CACNG2: variants seen among roughly 807,000 people sequenced by gnomAD.
CACNG2 encodes voltage-dependent calcium channel gamma-2 subunit.
A neutral mutation model predicts 25.9 loss-of-function variants in CACNG2; 3 were observed. That is an observed-to-expected ratio of 0.12 (90% CI 0.05 to 0.30). CACNG2 has a LOEUF of 0.30. CACNG2 is among the 10% of genes least tolerant of loss of function. The pLI, the probability that CACNG2 is intolerant of heterozygous loss-of-function variation, is 1.00. For missense variants in CACNG2, 341 were observed against 432.5 expected, an observed-to-expected ratio of 0.79 and a Z score of 1.88; for synonymous variants, 167 against 173.3, an observed-to-expected ratio of 0.96 and a Z score of 0.29.
chr22:36,640,078 T>C (rs1342349714), intron 1 of CACNG2, among the ~76,000 whole-genome samples: 8 of 152,066 alleles, frequency 5.3e-5, no homozygotes, highest in African/African-American at 1.9e-4. Flanking sequence ...AATGGTACCA[T>C]GTCCAAGAGT....
chr22:36,576,165 G>A (rs1203033791), intron 2 of CACNG2, among the ~76,000 whole-genome samples: 1 of 152,218 alleles, frequency 6.6e-6, no homozygotes, highest in Non-Finnish European at 1.5e-5. Flanking sequence ...GATAAAGACT[G>A]TGGTATAAAT....
chr22:36,566,167 C>T (rs753888495), intron 3 of CACNG2, among the ~76,000 whole-genome samples, 186 bp downstream of exon 3: 4 of 152,154 alleles, frequency 2.6e-5, no homozygotes, highest in African/African-American at 7.2e-5. Flanking sequence ...GGATTTGGTA[C>T]AGGCTCGGGA....
chr22:36,668,493 T>C (rs1316162220), intron 1 of CACNG2, among the ~76,000 whole-genome samples: 3 of 64,448 alleles, frequency 4.7e-5, no homozygotes, highest in Non-Finnish European at 1.3e-4. Flanking sequence ...GGGGAGTGAA[T>C]TTTTTTTTTT....
At chr22:36,569,632 G>A (rs576606332) in intron 2 of CACNG2, among the ~76,000 whole-genome samples, 30 of 152,076 alleles carry the variant, frequency 2.0e-4, no homozygotes, top group South Asian at 4.1e-4. Flanking sequence ...CTCCGTCTTC[G>A]GGGTTCAAGC....
intron 1 of CACNG2, among the ~76,000 whole-genome samples, chr22:36,660,361 C>T (rs906031515): frequency 7.2e-5 from 11 of 152,378 alleles, no homozygotes; most frequent in East Asian, 3.9e-4. Flanking sequence ...GCTGCTCACC[C>T]GGCTTCAGCC....
intron 1 of CACNG2, among the ~76,000 whole-genome samples, chr22:36,685,656 C>T (rs1034904562): frequency 6.6e-6 from 1 of 152,184 alleles, no homozygotes; most frequent in Non-Finnish European, 1.5e-5. Flanking sequence ...CAGATCTTTC[C>T]GGCCTGGTTC....
intron 1 of CACNG2, among the ~76,000 whole-genome samples, chr22:36,624,185 C>A (rs1457545202): frequency 6.6e-6 from 1 of 152,226 alleles, no homozygotes; most frequent in Non-Finnish European, 1.5e-5. Context: ...CATGCAGCAC[C>A]AGCAAATGCT....
intron 1 of CACNG2, among the ~76,000 whole-genome samples, chr22:36,623,105 C>G (rs1936133839): frequency 7.1e-6 from 1 of 141,154 alleles, no homozygotes; most frequent in Non-Finnish European, 1.5e-5. Context: ...ACTGCAACCT[C>G]TACCTCCTAG....
intron 1 of CACNG2, among the ~76,000 whole-genome samples, chr22:36,605,292 C>G (rs1935813984): frequency 6.6e-6 from 1 of 152,158 alleles, no homozygotes; most frequent in East Asian, 1.9e-4. Context: ...CCAGGCTGGT[C>G]ACGAACCCTT....
In CACNG2 at chr22:36,562,474, T is replaced by TGTGTGTGTGTGG. The variant is rs1347497346; in HGVS notation, c.*1865_*1876dup. The TGTGTGTGTGTGG allele has an allele frequency of 6.6e-6, 1 of 152,012 alleles. No homozygotes were observed. Among genetic ancestry groups the TGTGTGTGTGTGG allele is most frequent in the African/African-American group, 2.4e-5 (1 of 41,330 alleles). The allele number at this position is 152,012 out of a possible 1,614,324, so 9.4% of individuals were successfully genotyped here. A position where few individuals can be genotyped will look rare whatever the true frequency, so the allele number is the denominator to read the frequency against. On this transcript the variant is annotated 3_prime_UTR_variant, in exon 4 of 4. Transcript: ENST00000300105. ...CCTTCCCATGCATGCGAGTGGTGTG[T>TGTGTGTGTGTGG]GTGTGTGTGTGGGTATGTGTGCGTG...
At chr22:36,628,549 C>T (rs1206597217) in intron 1 of CACNG2, among the ~76,000 whole-genome samples, 3 of 152,138 alleles carry the variant, frequency 2.0e-5, no homozygotes, top group Non-Finnish European at 2.9e-5. Context: ...TGGTTTTATC[C>T]GTGGACATTT....
intron 1 of CACNG2, among the ~76,000 whole-genome samples, chr22:36,594,998 A>T (rs1195193756): frequency 6.9e-6 from 1 of 145,232 alleles, no homozygotes; most frequent in Non-Finnish European, 1.5e-5. Context: ...CTCACTGGGC[A>T]GGGTGAGATG....
intron 1 of CACNG2, among the ~76,000 whole-genome samples, chr22:36,662,291 C>A (rs1310392678): frequency 6.6e-6 from 1 of 152,102 alleles, no homozygotes; most frequent in Non-Finnish European, 1.5e-5. Flanking sequence ...TGACTCATTG[C>A]TATTCTAAGC....
At chr22:36,619,281 C>A (rs751184180) in intron 1 of CACNG2, among the ~76,000 whole-genome samples, 1 of 152,036 alleles carries the variant, frequency 6.6e-6, no homozygotes, top group Non-Finnish European at 1.5e-5. Flanking sequence ...CTGATGGCAC[C>A]GCAGGATGAC....
intron 1 of CACNG2, among the ~76,000 whole-genome samples, chr22:36,631,838 T>C (rs1936277731): frequency 6.6e-6 from 1 of 151,498 alleles, no homozygotes; most frequent in Admixed American, 6.6e-5. Context: ...GACAACCAGA[T>C]GGATCTTCCA....
chr22:36,670,942 C>T (rs1344903003), intron 1 of CACNG2, among the ~76,000 whole-genome samples: 46 of 143,822 alleles, frequency 3.2e-4, no homozygotes, highest in African/African-American at 1.1e-3. Flanking sequence ...TTTTTTGAGA[C>T]GGAGTCTTGC....
Position 36,623,011 on chromosome 22 carries a change from G to GATTTTTTTTTTTTTTTTTTTTT in CACNG2, c.212-35464_212-35463insAAAAAAAAAAAAAAAAAAAAAT, listed in dbSNP as rs1569032646. On this transcript the variant is annotated intron_variant, in intron 1 of 3. Transcript: ENST00000300105. ...TTTCTCATTCAGTCTTCAAAACATG[G>GATTTTTTTTTTTTTTTTTTTTT]GTTTTTTTTTTTTTTTTTTTTTTTT... 8.6e-5 allele frequency among the ~76,000 whole-genome samples: 8 copies of GATTTTTTTTTTTTTTTTTTTTT among 93,224 alleles called. 3 individuals carry two copies. Among genetic ancestry groups the GATTTTTTTTTTTTTTTTTTTTT allele is most frequent in the Non-Finnish European group, 1.0e-4 (5 of 49,902 alleles). 61.2% of individuals were successfully genotyped at this position (93,224 alleles called of 152,430 possible).
At chr22:36,625,420 G>A (rs566943043) in intron 1 of CACNG2, among the ~76,000 whole-genome samples, 2 of 152,216 alleles carry the variant, frequency 1.3e-5, no homozygotes, top group Non-Finnish European at 2.9e-5. Context: ...CTTGTTGGAG[G>A]GCAGGGTCCT....
At chr22:36,653,960 TTGTG>T (rs140752261) in intron 1 of CACNG2, among the ~76,000 whole-genome samples, 21 of 124,208 alleles carry the variant, frequency 1.7e-4, no homozygotes, top group East Asian at 1.6e-3. Flanking sequence ...TACAGTGTGT[TTGTG>T]TGTGTGTGTG....
Sources: allele counts gnomAD v4.1 joint callset (sites outside exome capture counted in the v4.1 genomes callset), GRCh38; gene constraint gnomAD v4.1.1; transcripts MANE v1.5; gene names NCBI Gene and HGNC (gene_info 2026-07-23, HGNC 2026-07-21).